TMEM106B: variants seen among roughly 807,000 people sequenced by gnomAD.
TMEM106B encodes the protein transmembrane protein 106B.
In TMEM106B, 15 loss-of-function variants were observed where a neutral mutation model predicts 31.1. The observed-to-expected ratio is 0.48, with a 90% CI of 0.32 to 0.74. The LOEUF (loss-of-function observed/expected upper bound fraction) is 0.74. Ranked by LOEUF, TMEM106B falls within the 30% of genes least tolerant of loss-of-function variation. TMEM106B has a pLI of 0.03. For missense variants in TMEM106B, 283 were observed against 327.3 expected (o/e 0.86, Z 1.04); for synonymous variants, 126 against 112.5 (o/e 1.12, Z -0.76).
intron 4 of TMEM106B, 60 bp downstream of exon 4, chr7:12,224,445 C>A: frequency 7.2e-7 from 1 of 1,397,754 alleles, no homozygotes; most frequent in South Asian, 1.3e-5. Flanking sequence ...TTAAGCAGCA[C>A]CTTTGTCCCC....
At position 12,236,273 on chromosome 7, in the gene TMEM106B, G is replaced by A. The variant is rs1270358889; in HGVS notation, c.*4298G>A. On this transcript the variant is annotated 3_prime_UTR_variant, in exon 8 of 8. Coordinates refer to ENST00000396668, the MANE Select transcript of TMEM106B (RefSeq NM_001134232.2). Reference sequence around the variant, plus strand: ...TTGTCCTTAAATTGGATAAAATCAAGTGATTAAAGTTACTAAAGAGATAAA... The same window carrying A: ...TTGTCCTTAAATTGGATAAAATCAAATGATTAAAGTTACTAAAGAGATAAA... The A allele has an allele frequency of 6.6e-6, 1 of 151,836 alleles. No homozygotes were observed. The highest frequency in any genetic ancestry group is 1.5e-5 in the Non-Finnish European group (1 of 67,822). The allele number at this position is 151,836 out of a possible 1,614,324, so 9.4% of individuals were successfully genotyped here.
chr7:12,215,647 G>T (rs901258876), intron 2 of TMEM106B: 3 of 385,842 alleles, frequency 7.8e-6, no homozygotes, highest in Non-Finnish European at 5.5e-6. Context: ...CGAATTCTTG[G>T]GCTCAAGCGA....
At chr7:12,215,631 T>C (rs1459192104) in intron 2 of TMEM106B, 2 of 391,964 alleles carry the variant, frequency 5.1e-6, no homozygotes, top group Non-Finnish European at 1.1e-5. Flanking sequence ...TTTCCCAGGA[T>C]GATGTCGAAT....
chr7:12,230,102 C>A (rs1324452761), intron 5 of TMEM106B, among the ~76,000 whole-genome samples: 1 of 151,974 alleles, frequency 6.6e-6, no homozygotes, highest in Non-Finnish European at 1.5e-5. Flanking sequence ...CCTCTCTTCC[C>A]ACCTACTGGG....
chr7:12,226,236 T>C (rs1690162179), intron 4 of TMEM106B, among the ~76,000 whole-genome samples: 1 of 152,204 alleles, frequency 6.6e-6, no homozygotes. Context: ...TCTGTATCTC[T>C]GTTTTGGTAC....
In TMEM106B at chr7:12,237,219, G is replaced by A. The variant is rs1350615335; in HGVS notation, c.*5244G>A. On this transcript the variant is annotated 3_prime_UTR_variant, in exon 8 of 8. Coordinates refer to ENST00000396668, the MANE Select transcript of TMEM106B (RefSeq NM_001134232.2). ...AGTTGTGTATGACGCAATAAAATTTGTAAAAAAATTTCAGCATGAAAAATA... is the reference window on the plus strand; with the variant it reads ...AGTTGTGTATGACGCAATAAAATTTATAAAAAAATTTCAGCATGAAAAATA... 4 of 151,934 alleles carry A rather than the reference G, an allele frequency of 2.6e-5. No homozygotes were observed. The highest frequency in any genetic ancestry group is 5.9e-5 in the Non-Finnish European group (4 of 67,956). 9.4% of individuals were successfully genotyped at this position (151,934 alleles called of 1,614,324 possible). A position where few individuals can be genotyped will look rare whatever the true frequency, so the allele number is the denominator to read the frequency against.
chr7:12,215,497 A>C (rs1472189357), intron 2 of TMEM106B: 1 of 177,468 alleles, frequency 5.6e-6, no homozygotes, highest in Non-Finnish European at 1.3e-5. Context: ...TCGGCTTCCC[A>C]GAGTGCTAGG....
chr7:12,227,107 G>C (rs1445138282), intron 4 of TMEM106B, among the ~76,000 whole-genome samples: 2 of 151,910 alleles, frequency 1.3e-5, no homozygotes, highest in Non-Finnish European at 2.9e-5. Flanking sequence ...CTCACATTTT[G>C]GAATACTGCC....
In TMEM106B at chr7:12,233,235, A is replaced by ATTTGTTTTTT. The variant is rs1554310865; in HGVS notation, c.*1263_*1264insGTTTTTTTTT. On this transcript the variant is annotated 3_prime_UTR_variant, in exon 8 of 8. Coordinates refer to ENST00000396668, the MANE Select transcript of TMEM106B (RefSeq NM_001134232.2). ...TTTTATATTTTCAGTATCATTTTTC[A>ATTTGTTTTTT]TTTTTTTTTTTTTTTGTCTTTTCAC... 3 of 87,216 alleles carry ATTTGTTTTTT rather than the reference A, an allele frequency of 3.4e-5. No individual in the cohort carries two copies. The highest frequency in any genetic ancestry group is 6.6e-5 in the Non-Finnish European group (3 of 45,570). 5.4% of individuals were successfully genotyped at this position (87,216 alleles called of 1,614,324 possible).
rs926231576 is a variant in TMEM106B, at chr7:12,239,178, A to C, written c.*7203A>C. 6.6e-6 allele frequency: 1 copy of C among 152,104 alleles called. No homozygotes were observed. Among genetic ancestry groups the C allele is most frequent in the Non-Finnish European group, 1.5e-5 (1 of 67,990 alleles). 9.4% of individuals were successfully genotyped at this position (152,104 alleles called of 1,614,324 possible). ...TTACTGCTTCACCTTGCACTTTTATATTATGGAAACAACTTATCTCCTTAA... is the reference window on the plus strand; with the variant it reads ...TTACTGCTTCACCTTGCACTTTTATCTTATGGAAACAACTTATCTCCTTAA... On this transcript the variant is annotated 3_prime_UTR_variant, in exon 8 of 8. Transcript: ENST00000396668.
chr7:12,231,334 T>A (rs772513455), intron 7 of TMEM106B: 152 of 444,546 alleles, frequency 3.4e-4, no homozygotes, highest in Non-Finnish European at 5.4e-4. Flanking sequence ...TGAATCTGGA[T>A]GTCACAAGAG....
At chr7:12,220,450 C>T (rs938558823) in intron 3 of TMEM106B, among the ~76,000 whole-genome samples, 2 of 152,082 alleles carry the variant, frequency 1.3e-5, no homozygotes, top group Non-Finnish European at 2.9e-5. Flanking sequence ...AAAAGGCCAA[C>T]CTCCAAAGCA....
rs1781605041 is a variant in TMEM106B at position 12,212,726 on chromosome 7, G to A, written c.-3+1301G>A. On this transcript the variant is annotated intron_variant, in intron 1 of 7. Transcript: ENST00000396668. ...CAGAGCCCTTAGTGCATCCAGCACT[G>A]GAGCAACACACATTGTACCCACCAA... Among the ~76,000 whole-genome samples the A allele has an allele frequency of 1.3e-5, 2 of 152,096 alleles. 1 individual carries two copies. Among genetic ancestry groups the A allele is most frequent in the South Asian group, 4.1e-4 (2 of 4,824 alleles).
At position 12,235,960 on chromosome 7, in the gene TMEM106B, A is replaced by G. The variant is rs1782124737; in HGVS notation, c.*3985A>G. ...TAATTAGTTTTATTCTCTCTTTTTT[A>G]TAAAATCGGGTTTCAGATGAGATGT... On this transcript the variant is annotated 3_prime_UTR_variant, in exon 8 of 8. Coordinates refer to ENST00000396668, the MANE Select transcript of TMEM106B (RefSeq NM_001134232.2). 6.7e-6 allele frequency: 1 copy of G among 148,722 alleles called. No individual in the cohort carries two copies. The highest frequency in any genetic ancestry group is 2.5e-5 in the African/African-American group (1 of 39,942). The allele number at this position is 148,722 out of a possible 1,614,324, so 9.2% of individuals were successfully genotyped here. A position where few individuals can be genotyped will look rare whatever the true frequency, so the allele number is the denominator to read the frequency against.
At chr7:12,217,222 C>T (rs1208850809) in intron 2 of TMEM106B, among the ~76,000 whole-genome samples, 1 of 152,098 alleles carries the variant, frequency 6.6e-6, no homozygotes, top group Non-Finnish European at 1.5e-5. Context: ...GTTATAAGCA[C>T]AGGTGGTTTA....
rs1268693618 is a variant in TMEM106B, at chr7:12,241,819, A to G, written c.*9844A>G. The G allele has an allele frequency of 6.6e-6, 1 of 152,184 alleles. No individual in the cohort carries two copies. The highest frequency in any genetic ancestry group is 1.9e-4 in the East Asian group (1 of 5,196). 9.4% of individuals were successfully genotyped at this position (152,184 alleles called of 1,614,324 possible). ...ATTTCTGGTTCTAGATCCTTGAGGA[A>G]TCACCACACTGTCTTCCACAATGGT... On this transcript the variant is annotated 3_prime_UTR_variant, in exon 8 of 8. Coordinates refer to ENST00000396668, the MANE Select transcript of TMEM106B (RefSeq NM_001134232.2).
At chr7:12,223,465 A>G (rs115923636) in intron 3 of TMEM106B, among the ~76,000 whole-genome samples, 1,720 of 152,092 alleles carry the variant, frequency 0.011, 42 homozygotes, top group African/African-American at 0.039. Context: ...ATGATTAGCT[A>G]TTTTTCCTAA....
chr7:12,230,889 T>C lies in TMEM106B; in HGVS notation c.633-173T>C, dbSNP rs1782008286. ...GCAGTGGCATGAATACATACATGTT[T>C]TTCGAGTAAGAAGTCATGAATATAT... On this transcript the variant is annotated intron_variant, in intron 6 of 7. Coordinates refer to ENST00000396668, the MANE Select transcript of TMEM106B (RefSeq NM_001134232.2). 8 of 495,192 alleles carry C rather than the reference T, an allele frequency of 1.6e-5. No homozygotes were observed. The South Asian group carries it at 2.9e-4, about 18-fold the overall frequency. 30.7% of individuals were successfully genotyped at this position (495,192 alleles called of 1,614,324 possible).
chr7:12,220,667 T>C (rs1462947267), intron 3 of TMEM106B, among the ~76,000 whole-genome samples: 1 of 152,234 alleles, frequency 6.6e-6, no homozygotes, highest in Admixed American at 6.5e-5. Context: ...CATTCCTTGC[T>C]AGTGAATGAA....
Sources: allele counts gnomAD v4.1 joint callset (sites outside exome capture counted in the v4.1 genomes callset), GRCh38; gene constraint gnomAD v4.1.1; transcripts MANE v1.5; gene names NCBI Gene and HGNC (gene_info 2026-07-23, HGNC 2026-07-21).